Variants in SORT1 observed in about 807,000 individuals in gnomAD.
The protein encoded by SORT1 is sortilin.
SORT1 carries 39 observed loss-of-function variants against 101.7 expected under a neutral mutation model. The observed-to-expected ratio is 0.38, with a 90% confidence interval of 0.30 to 0.50. The LOEUF is 0.50. SORT1 is among the 20% of genes least tolerant of loss of function. The pLI is 0.90. For synonymous variants in SORT1, 396 were observed against 393.7 expected (o/e 1.01, Z -0.07); for missense variants, 878 against 1,040.4 (o/e 0.84, Z 2.15).
At chr1:109,349,065 C>T (rs1649798755) in intron 6 of SORT1, among the ~76,000 whole-genome samples, 1 of 152,180 alleles carries the variant, frequency 6.6e-6, no homozygotes, top group Non-Finnish European at 1.5e-5. Context: ...ATTACTTCCA[C>T]CTGGTACGGT....
chr1:109,314,486 C>T lies in SORT1; in HGVS notation c.2358-102G>A, dbSNP rs2101520908. 5 of 1,400,346 alleles carry T rather than the reference C, an allele frequency of 3.6e-6. No homozygotes were observed. The East Asian group carries it at 6.9e-5, about 19-fold the overall frequency. The allele number at this position is 1,400,346 out of a possible 1,614,324, so 86.7% of individuals were successfully genotyped here. Reference sequence around the variant, plus strand: ...GTTTTATACACTCAGGAACGCATCACAGACACAGAAAGCACAGTCCATGGT... The same window carrying T: ...GTTTTATACACTCAGGAACGCATCATAGACACAGAAAGCACAGTCCATGGT... On this transcript the variant is annotated intron_variant, in intron 18 of 19. Coordinates refer to ENST00000256637, the MANE Select transcript of SORT1 (RefSeq NM_002959.7).
At chr1:109,382,231 G>A (rs995769132) in intron 1 of SORT1, among the ~76,000 whole-genome samples, 1 of 152,142 alleles carries the variant, frequency 6.6e-6, no homozygotes, top group African/African-American at 2.4e-5. Flanking sequence ...CACCTTCTGG[G>A]TTCAAGCAAG....
chr1:109,334,409 A>T (rs1648670838), intron 11 of SORT1, among the ~76,000 whole-genome samples: 1 of 152,238 alleles, frequency 6.6e-6, no homozygotes, highest in Non-Finnish European at 1.5e-5. Context: ...GGGAGGCATT[A>T]TGTTAAGTAA....
Position 109,317,833 on chromosome 1 carries a change from G to C in SORT1, c.2141+20C>G. On this transcript the variant is annotated intron_variant, in intron 16 of 19. Coordinates refer to ENST00000256637, the MANE Select transcript of SORT1 (RefSeq NM_002959.7). ...AAGAACACCTCATCCATCGTGACAAGGGAGAAAAGGCCACCTCACCCATTT... is the reference window on the plus strand; with the variant it reads ...AAGAACACCTCATCCATCGTGACAACGGAGAAAAGGCCACCTCACCCATTT... The C allele has an allele frequency of 6.9e-7, 1 of 1,458,516 alleles. No homozygotes were observed. The highest frequency in any genetic ancestry group is 9.6e-7 in the Non-Finnish European group (1 of 1,040,010). 90.3% of individuals were successfully genotyped at this position (1,458,516 alleles called of 1,614,324 possible). A position where few individuals can be genotyped will look rare whatever the true frequency, so the allele number is the denominator to read the frequency against.
chr1:109,330,424 A>AT (rs34362522), intron 11 of SORT1, among the ~76,000 whole-genome samples: 106,219 of 152,030 alleles, frequency 0.7, 37,648 homozygotes, highest in East Asian at 0.96. Flanking sequence ...AATAAAAAAA[A>AT]CTTGAGACAA....
intron 2 of SORT1, among the ~76,000 whole-genome samples, chr1:109,369,162 A>G (rs1390317396): frequency 6.6e-6 from 1 of 152,150 alleles, no homozygotes; most frequent in Non-Finnish European, 1.5e-5. Context: ...CTTCACTAAA[A>G]ATACAAAAAA....
rs1653279885 is a variant in SORT1 at position 109,397,708 on chromosome 1, G to A, written c.185C>T (p.Ala62Val). 10 of 1,189,846 alleles carry A rather than the reference G, an allele frequency of 8.4e-6. No individual in the cohort carries two copies. The highest frequency in any genetic ancestry group is 4.4e-5 in the East Asian group (1 of 22,648). The allele number at this position is 1,189,846 out of a possible 1,614,324, so 73.7% of individuals were successfully genotyped here. A position where few individuals can be genotyped will look rare whatever the true frequency, so the allele number is the denominator to read the frequency against. Reference protein sequence around the residue: ...GPIGVSWGLRAAAAGGAFPRG... With the variant: ...GPIGVSWGLRVAAAGGAFPRG... The stretch of plus-strand genomic sequence containing the variant: ...GGGAAACGCGCCCCCGGCTGCGGCC[G>A]CCCGCAGCCCCCAGCTCACCCCGAT... Residue 62 changes from alanine (A) to valine (V), a missense_variant, in exon 1 of 20, where the codon GCG becomes GTG. This residue lies in a region of SORT1 where 194 missense variants were observed against 145.9 expected (regional missense o/e 1.33). Transcript: ENST00000256637.
chr1:109,339,710 T>G (rs1207362221), intron 10 of SORT1, among the ~76,000 whole-genome samples: 1 of 152,236 alleles, frequency 6.6e-6, no homozygotes, highest in Admixed American at 6.5e-5. Context: ...AATTATCATG[T>G]GATCCTGCTA....
intron 15 of SORT1, among the ~76,000 whole-genome samples, chr1:109,322,092 TTTTC>T (rs978106582): frequency 1.3e-4 from 19 of 151,688 alleles, no homozygotes; most frequent in South Asian, 2.1e-4. Context: ...GGGGTTTTCT[TTTTC>T]TTTCTTTCTG....
chr1:109,351,965 G>GGTGTGTGT lies in SORT1; in HGVS notation c.709-971_709-964dup, dbSNP rs10540637. Among the ~76,000 whole-genome samples, 312 of 147,500 alleles carry GGTGTGTGT rather than the reference G, an allele frequency of 2.1e-3. 2 individuals carry two copies. The highest frequency in any genetic ancestry group is 7.3e-3 in the African/African-American group (289 of 39,782). ...CCTGCAGGGCAGGATGAGAGGTAGG[G>GGTGTGTGT]GTGTGTGTGTGTGTGTGTGTGTGTG... is the stretch of plus-strand genomic sequence containing the variant. On this transcript the variant is annotated intron_variant, in intron 5 of 19. Coordinates refer to ENST00000256637, the MANE Select transcript of SORT1 (RefSeq NM_002959.7).
At chr1:109,342,842 T>A (rs1649320164) in intron 8 of SORT1, among the ~76,000 whole-genome samples, 2 of 152,048 alleles carry the variant, frequency 1.3e-5, no homozygotes, top group South Asian at 4.2e-4. Context: ...ATAAATAGCT[T>A]AACATCGCTA....
chr1:109,364,360 T>C (rs534346374), intron 3 of SORT1, among the ~76,000 whole-genome samples: 12 of 152,302 alleles, frequency 7.9e-5, no homozygotes, highest in Admixed American at 7.2e-4. Context: ...AAGAGGCATT[T>C]AACAAACAGC....
In SORT1 at chr1:109,310,715, A is replaced by G. The variant is rs1278515018; in HGVS notation, c.*3328T>C. 1 of 152,664 alleles carries G rather than the reference A, an allele frequency of 6.6e-6. No individual in the cohort carries two copies. Among genetic ancestry groups the G allele is most frequent in the Non-Finnish European group, 1.5e-5 (1 of 68,068 alleles). The allele number at this position is 152,664 out of a possible 1,614,324, so 9.5% of individuals were successfully genotyped here. A position where few individuals can be genotyped will look rare whatever the true frequency, so the allele number is the denominator to read the frequency against. ...CTCTTGAGAGCACTGCTCAAAGGAA[A>G]GAGGGAATCTCTATCTGGATGGTTG... On this transcript the variant is annotated 3_prime_UTR_variant, in exon 20 of 20. Transcript: ENST00000256637.
rs376423530 is a variant in SORT1 at position 109,338,694 on chromosome 1, C to CT, written c.1264+2029dup. ...CCTAAACAACATAGATTCAAAACAT[C>CT]TTTTTTTCTACTTGTTGTTGCTCTC... On this transcript the variant is annotated intron_variant, in intron 10 of 19. Coordinates refer to ENST00000256637, the MANE Select transcript of SORT1 (RefSeq NM_002959.7). Among the ~76,000 whole-genome samples the CT allele has an allele frequency of 9.5e-4, 144 of 152,262 alleles. 2 individuals carry two copies. The highest frequency in any genetic ancestry group is 3.3e-3 in the African/African-American group (136 of 41,558).
intron 1 of SORT1, among the ~76,000 whole-genome samples, chr1:109,394,904 A>C (rs1301163700): frequency 6.6e-6 from 1 of 152,254 alleles, no homozygotes; most frequent in Non-Finnish European, 1.5e-5. Flanking sequence ...AGTTGTACAA[A>C]GTACAATATC....
At chr1:109,335,433 G>A (rs1375306952) in intron 11 of SORT1, among the ~76,000 whole-genome samples, 1 of 152,162 alleles carries the variant, frequency 6.6e-6, no homozygotes, top group South Asian at 2.1e-4. Flanking sequence ...GCTTGCGAGT[G>A]TAAAGGAGGA....
At position 109,355,359 on chromosome 1, in the gene SORT1, A is replaced by T. The variant is rs150041247; in HGVS notation, c.543+8T>A. On this transcript the variant is annotated splice_region_variant and intron_variant, in intron 4 of 19. Coordinates refer to ENST00000256637, the MANE Select transcript of SORT1 (RefSeq NM_002959.7). Reference sequence around the variant, plus strand: ...CACAAGCTTTATGTATACAAGAATGAGTCTCACCTTTCCAGAGTTCTCAGG... The same window carrying T: ...CACAAGCTTTATGTATACAAGAATGTGTCTCACCTTTCCAGAGTTCTCAGG... The T allele has an allele frequency of 5.6e-4, 801 of 1,423,312 alleles. 4 individuals carry two copies. In the African/African-American group the frequency reaches 0.01, roughly 18 times the overall value. 88.2% of individuals were successfully genotyped at this position (1,423,312 alleles called of 1,614,324 possible).
chr1:109,361,271 C>T (rs1650704416), intron 3 of SORT1, among the ~76,000 whole-genome samples: 1 of 152,186 alleles, frequency 6.6e-6, no homozygotes, highest in South Asian at 2.1e-4. Flanking sequence ...GTTCTACTTT[C>T]CACAAAACAC....
At chr1:109,367,546 C>A in intron 2 of SORT1, 65 bp from the exon 3 acceptor site, 1 of 1,030,066 alleles carries the variant, frequency 9.7e-7, no homozygotes, top group South Asian at 1.3e-5. Context: ...GATATGTGTT[C>A]GAGATTAAGC....
Sources: gnomAD v4.1 joint callset for allele counts (sites outside exome capture counted in the v4.1 genomes callset) on GRCh38, gnomAD v4.1.1 for gene constraint, gnomAD v4.1.1 regional missense constraint, MANE v1.5 for transcripts, NCBI Gene and HGNC (gene_info 2026-07-23, HGNC 2026-07-21) for gene names.